The following CUBN variants were observed in gnomAD, a reference collection of about 807,000 sequenced individuals.
CUBN encodes cubilin.
Under a neutral mutation model 405.3 loss-of-function variants are expected in CUBN, and 282 were observed. That is an observed-to-expected ratio of 0.70 (90% CI 0.63 to 0.77). The LOEUF (loss-of-function observed/expected upper bound fraction) is 0.77. Ranked by LOEUF, CUBN falls within the 30% of genes least tolerant of loss-of-function variation. The probability of loss-of-function intolerance (pLI) is 0.00; values close to 1 mark genes in which losing one functional copy is unlikely to be tolerated. For synonymous variants in CUBN, 1,684 were observed against 1,617.0 expected (o/e 1.04, Z -0.99); for missense variants, 4,514 against 4,475.2 (o/e 1.01, Z -0.25).
At chr10:17,039,672 T>C (rs996954909) in intron 27 of CUBN, among the ~76,000 whole-genome samples, 1 of 152,216 alleles carries the variant, frequency 6.6e-6, no homozygotes, top group African/African-American at 2.4e-5. Flanking sequence ...TGAAGACCAG[T>C]TGAACTCCAG....
intron 22 of CUBN, among the ~76,000 whole-genome samples, chr10:17,062,353 T>G (rs1164659028): frequency 6.6e-6 from 1 of 152,226 alleles, no homozygotes; most frequent in Non-Finnish European, 1.5e-5. Flanking sequence ...CTTAGCAGGA[T>G]TATATATTAA....
intron 66 of CUBN, among the ~76,000 whole-genome samples, chr10:16,828,571 A>G (rs1838865038): frequency 6.6e-6 from 1 of 152,158 alleles, no homozygotes; most frequent in South Asian, 2.1e-4. Flanking sequence ...TACAAAAATT[A>G]GCTGAGTGTG....
intron 64 of CUBN, among the ~76,000 whole-genome samples, chr10:16,834,796 C>G (rs368415810): frequency 2.0e-5 from 3 of 152,184 alleles, no homozygotes; most frequent in Non-Finnish European, 4.4e-5. Context: ...TCTGTCCTTC[C>G]TGCCAGACTA....
rs2131845627 is a variant in CUBN, at chr10:17,068,715, T to C, written c.2681A>G (p.Asp894Gly). The change falls in exon 20 of 67, where the codon GAC becomes GGC. Residue 894 changes from aspartate (D) to glycine (G), a missense_variant. This residue lies in a region of CUBN where 1,448 missense variants were observed against 1,388.0 expected (regional missense o/e 1.04). Transcript: ENST00000377833. ...CACAGATGTTATAAATGAAGGTATGTCTGTACCGCAATACTTTTTATTTTC... is the reference window on the plus strand; with the variant it reads ...CACAGATGTTATAAATGAAGGTATGCCTGTACCGCAATACTTTTTATTTTC... ...SPENKKYCGT[D>G]IPSFITSVYN... is the part of the protein sequence containing the mutation. 2 of 1,612,386 alleles carry C rather than the reference T, an allele frequency of 1.2e-6. No homozygotes were observed. Among genetic ancestry groups the C allele is most frequent in the East Asian group, 2.2e-5 (1 of 44,792 alleles).
intron 17 of CUBN, among the ~76,000 whole-genome samples, chr10:17,074,594 C>G (rs1176158411): frequency 6.6e-6 from 1 of 152,148 alleles, no homozygotes; most frequent in African/African-American, 2.4e-5. Context: ...ATTGAAGATT[C>G]TTTCTCCTGG....
rs1199729432 is a variant in CUBN, at chr10:16,840,929, G to A, written c.9782C>T (p.Thr3261Ile). Residue 3261 changes from threonine (T) to isoleucine (I), a missense_variant, in exon 61 of 67, where the codon ACA becomes ATA. Physicochemically the swap from Thr to Ile is moderately conservative, Grantham distance 89. This residue lies in a region of CUBN where 1,186 missense variants were observed against 1,186.9 expected (regional missense o/e 1.00). Transcript: ENST00000377833. ...FLTVQFISDL[T>I]LEREGFNATY... ...AGCATTAAATCCTTCCCTCTCTAATGTTAAGTCACTGATGAATTGAACCGT... is the reference window on the plus strand; with the variant it reads ...AGCATTAAATCCTTCCCTCTCTAATATTAAGTCACTGATGAATTGAACCGT... The A allele has an allele frequency of 6.2e-7, 1 of 1,613,224 alleles. No individual in the cohort carries two copies. The highest frequency in any genetic ancestry group is 1.3e-5 in the African/African-American group (1 of 74,898).
At chr10:16,851,136 C>G in intron 60 of CUBN, 99 bp downstream of exon 60, 1 of 994,336 alleles carries the variant, frequency 1.0e-6, no homozygotes, top group African/African-American at 1.6e-5. Flanking sequence ...AGCACCTGTA[C>G]TCAAAATTAG....
chr10:16,988,443 T>C (rs755013353), intron 29 of CUBN, among the ~76,000 whole-genome samples: 10 of 152,222 alleles, frequency 6.6e-5, no homozygotes, highest in African/African-American at 9.6e-5. Context: ...CCGTGAAGAC[T>C]TTCCAGTTCT....
intron 22 of CUBN, among the ~76,000 whole-genome samples, chr10:17,057,680 A>G (rs1261781948): frequency 1.3e-5 from 2 of 152,052 alleles, no homozygotes; most frequent in Non-Finnish European, 2.9e-5. Flanking sequence ...ATAGCTAAAA[A>G]CTGGGAAAAA....
intron 27 of CUBN, among the ~76,000 whole-genome samples, chr10:17,026,714 G>C (rs1325501311): frequency 6.6e-6 from 1 of 152,182 alleles, no homozygotes; most frequent in Non-Finnish European, 1.5e-5. Context: ...GCCCAAGGGG[G>C]CAAATGCAAA....
intron 36 of CUBN, among the ~76,000 whole-genome samples, chr10:16,944,543 C>G (rs747192509): frequency 6.6e-5 from 10 of 152,180 alleles, no homozygotes; most frequent in Non-Finnish European, 1.5e-4. Flanking sequence ...TTCCAAGCAT[C>G]CATCTGGATA....
intron 10 of CUBN, among the ~76,000 whole-genome samples, chr10:17,107,623 G>A (rs1056362275): frequency 6.0e-5 from 9 of 150,126 alleles, no homozygotes; most frequent in African/African-American, 2.0e-4. Flanking sequence ...TCAGCCTCCC[G>A]AGTAGCTGGG....
intron 56 of CUBN, 122 bp downstream of exon 56, chr10:16,888,295 A>G: frequency 1.3e-6 from 1 of 780,710 alleles, no homozygotes; most frequent in Non-Finnish European, 2.2e-6. Flanking sequence ...GTGAGCAGAC[A>G]TGTTAATTAA....
chr10:16,893,914 A>G (rs932115565), intron 54 of CUBN, among the ~76,000 whole-genome samples: 1 of 152,166 alleles, frequency 6.6e-6, no homozygotes, highest in African/African-American at 2.4e-5. Context: ...CAATTGGTAA[A>G]TATTTGTCTT....
At chr10:17,053,996 G>A (rs1248617846) in intron 22 of CUBN, among the ~76,000 whole-genome samples, 3 of 151,960 alleles carry the variant, frequency 2.0e-5, no homozygotes, top group African/African-American at 2.4e-5. Context: ...CAAGATAATT[G>A]GAAAATATTT....
chr10:16,892,097 A>G (rs1428396255), intron 54 of CUBN, among the ~76,000 whole-genome samples: 2 of 152,238 alleles, frequency 1.3e-5, no homozygotes, highest in African/African-American at 2.4e-5. Context: ...CTATTGGGAA[A>G]TCAGTCCATA....
At position 16,840,371 on chromosome 10, in the gene CUBN, C is replaced by A. The variant is rs1402828246; in HGVS notation, c.9991G>T (p.Asp3331Tyr). ...AGCTGTAAGTAATTCTGCGTGCAGT[C>A]TTGCGAGGTCAGCTGTAATGCCCAC... Reference protein sequence around the residue: ...TVWALQLTSQDCTQNYLQLQD... With the variant: ...TVWALQLTSQYCTQNYLQLQD... The change falls in exon 62 of 67, where the codon GAC (aspartate) becomes TAC (tyrosine). Residue 3331 changes from aspartate (D) to tyrosine (Y), a missense_variant. Physicochemically the swap from Asp to Tyr is radical, Grantham distance 160. Coordinates refer to ENST00000377833, the MANE Select transcript of CUBN (RefSeq NM_001081.4). The A allele has an allele frequency of 6.2e-7, 1 of 1,614,138 alleles. No individual in the cohort carries two copies. Among genetic ancestry groups the A allele is most frequent in the South Asian group, 1.1e-5 (1 of 91,076 alleles).
At chr10:16,832,045 G>C (rs1839017079) in intron 64 of CUBN, among the ~76,000 whole-genome samples, 1 of 152,000 alleles carries the variant, frequency 6.6e-6, no homozygotes, top group South Asian at 2.1e-4. Context: ...TTGCTTTTTT[G>C]TTTCAACTCA....
chr10:16,867,519 T>C (rs561973238), intron 59 of CUBN, among the ~76,000 whole-genome samples: 21 of 152,320 alleles, frequency 1.4e-4, no homozygotes, highest in Non-Finnish European at 2.5e-4. Context: ...TACTTAGGTT[T>C]TCACTTAAAC....
Sources: allele counts gnomAD v4.1 joint callset (sites outside exome capture counted in the v4.1 genomes callset), GRCh38; gene constraint gnomAD v4.1.1; regional missense constraint gnomAD v4.1.1; transcripts MANE v1.5; gene names NCBI Gene and HGNC (gene_info 2026-07-23, HGNC 2026-07-21).